KLHL13: variants seen among roughly 807,000 people sequenced by gnomAD.
KLHL13 encodes the protein kelch like family member 13.
Under a neutral mutation model 37.1 loss-of-function variants are expected in KLHL13, and 10 were observed. The ratio of observed to expected loss-of-function variants is 0.27; its 90% CI spans 0.17 to 0.46. KLHL13 has a LOEUF of 0.46. Among genes scored for constraint, KLHL13 ranks in the 20% least tolerant of loss-of-function variants. The probability of loss-of-function intolerance (pLI) is 1.00; values close to 1 mark genes in which losing one functional copy is unlikely to be tolerated. For missense variants in KLHL13, 360 were observed against 509.3 expected, an observed-to-expected ratio of 0.71 and a Z score of 2.82; for synonymous variants, 163 against 181.2, an observed-to-expected ratio of 0.90 and a Z score of 0.81.
intron 6 of KLHL13, among the ~76,000 whole-genome samples, chrX:117,899,768 T>G (rs937550051): frequency 1.8e-5 from 2 of 112,120 alleles, no homozygotes; most frequent in African/African-American, 6.5e-5. Flanking sequence ...TGCCTTTTAG[T>G]GGGTACCCTC....
intron 1 of KLHL13, among the ~76,000 whole-genome samples, chrX:118,029,209 T>G (rs933568051): frequency 1.8e-5 from 2 of 109,902 alleles, no homozygotes; most frequent in African/African-American, 3.3e-5. Context: ...AAGGGGGGAG[T>G]TGAGGCAAAT....
chrX:117,966,640 C>T (rs1326430558), intron 1 of KLHL13, among the ~76,000 whole-genome samples: 3 of 110,446 alleles, frequency 2.7e-5, no homozygotes, highest in Non-Finnish European at 3.8e-5. Context: ...GGAGGCATCA[C>T]GCTACCTGAC....
intron 2 of KLHL13, among the ~76,000 whole-genome samples, chrX:117,927,350 G>A (rs1053926185): frequency 8.9e-6 from 1 of 112,267 alleles, no homozygotes; most frequent in Non-Finnish European, 1.9e-5. Context: ...GGTGACAGTG[G>A]GGGTGGCAGA....
chrX:118,081,226 T>C (rs1168925788), intron 1 of KLHL13, among the ~76,000 whole-genome samples: 1 of 111,486 alleles, frequency 9.0e-6, no homozygotes, highest in Non-Finnish European at 1.9e-5. Context: ...ACCCTGTATC[T>C]AAAATAAAAG....
At chrX:117,919,488 C>T in intron 4 of KLHL13, 33 bp downstream of exon 5, 1 of 1,123,167 alleles carries the variant, frequency 8.9e-7, no homozygotes, top group Non-Finnish European at 1.2e-6. Flanking sequence ...TCAGAGTCTA[C>T]CACAGGAAAA....
At chrX:117,972,768 T>G in exon 1 of KLHL13, 1 of 1,211,543 alleles carries the variant, frequency 8.3e-7, no homozygotes, top group Non-Finnish European at 1.1e-6. Context: ...CTGGATGTTT[T>G]AAGCACAGGA....
intron 2 of KLHL13, among the ~76,000 whole-genome samples, chrX:117,929,639 GT>G (rs1454313711): frequency 9.2e-6 from 1 of 109,271 alleles, no homozygotes; most frequent in African/African-American, 3.3e-5. Flanking sequence ...ATCCATTCCT[GT>G]TTTTTTAAAA....
chrX:118,033,883 A>G (rs1480289386), intron 1 of KLHL13, among the ~76,000 whole-genome samples: 1 of 103,723 alleles, frequency 9.6e-6, no homozygotes, highest in Non-Finnish European at 2.0e-5. Context: ...TCAAAATAAA[A>G]GGATGGAGGA....
chrX:118,063,640 A>G (rs2054765304), intron 1 of KLHL13, among the ~76,000 whole-genome samples: 1 of 111,843 alleles, frequency 8.9e-6, no homozygotes, highest in Admixed American at 9.5e-5. Flanking sequence ...GGAATAGCCA[A>G]ACTATTAAAG....
exon 1 of KLHL13, chrX:118,116,611 G>A (rs914381211): frequency 8.9e-6 from 1 of 112,043 alleles, no homozygotes; most frequent in Non-Finnish European, 1.9e-5. Context: ...CTCCTGCTGC[G>A]AGGCACCAGC....
chrX:117,997,398 C>T (rs2053866943), intron 1 of KLHL13, among the ~76,000 whole-genome samples: 1 of 111,418 alleles, frequency 9.0e-6, no homozygotes, highest in South Asian at 3.8e-4. Context: ...TAGAAAATAC[C>T]TGAAAAGCAA....
intron 1 of KLHL13, among the ~76,000 whole-genome samples, chrX:118,056,931 G>A (rs893355190): frequency 7.2e-5 from 8 of 111,702 alleles, no homozygotes; most frequent in Admixed American, 1.9e-4. Context: ...ATCAGCCTCC[G>A]AGCACTTAAA....
At chrX:118,031,496 G>GAT (rs772255473) in intron 1 of KLHL13, among the ~76,000 whole-genome samples, 10 of 84,405 alleles carry the variant, frequency 1.2e-4, no homozygotes, top group South Asian at 1.0e-3. Flanking sequence ...TATATATTTA[G>GAT]ATATATATAT....
At chrX:117,901,558 A>G (rs1323142987) in intron 6 of KLHL13, among the ~76,000 whole-genome samples, 4 of 106,761 alleles carry the variant, frequency 3.7e-5, no homozygotes, top group Non-Finnish European at 5.8e-5. Context: ...AGGCTGGAGT[A>G]CAGTGGCGCA....
intron 1 of KLHL13, among the ~76,000 whole-genome samples, chrX:118,001,397 C>A (rs184881304): frequency 5.3e-4 from 60 of 112,202 alleles, no homozygotes; most frequent in African/African-American, 1.9e-3. Flanking sequence ...CAAAATTTTT[C>A]ATTGTTTTCT....
rs1428602565 is a variant in KLHL13 at position 117,953,115 on chromosome X, T to C, written c.99-7540A>G. ...AAAGACACATGCACACGTATGTTTA[T>C]TGCGGCACTATTCACAATAGCAAAG... On this transcript the variant is annotated intron_variant, in intron 1 of 6. Coordinates refer to ENST00000262820, the Ensembl canonical transcript of KLHL13. Among the ~76,000 whole-genome samples, 7 of 110,404 alleles carry C rather than the reference T, an allele frequency of 6.3e-5. No individual in the cohort carries two copies. In the East Asian group the frequency reaches 1.1e-3, roughly 18 times the overall value.
At chrX:117,991,961 T>C (rs1256103387) in intron 1 of KLHL13, among the ~76,000 whole-genome samples, 2 of 107,857 alleles carry the variant, frequency 1.9e-5, no homozygotes, top group African/African-American at 6.8e-5. Context: ...CAATTACAGG[T>C]TCATTTGAGC....
chrX:117,938,089 A>T (rs1932864740), intron 2 of KLHL13, among the ~76,000 whole-genome samples: 1 of 112,282 alleles, frequency 8.9e-6, no homozygotes, highest in Admixed American at 9.4e-5. Flanking sequence ...ATGTATTAGT[A>T]CTTCATCTTT....
chrX:117,985,848 C>T (rs778594208), intron 1 of KLHL13, among the ~76,000 whole-genome samples: 59 of 110,491 alleles, frequency 5.3e-4, no homozygotes, highest in African/African-American at 1.8e-3. Context: ...GAATCTAGCC[C>T]CTACTGTTTT....
Sources: gnomAD v4.1 joint callset for allele counts (sites outside exome capture counted in the v4.1 genomes callset) on GRCh38, gnomAD v4.1.1 for gene constraint, MANE v1.5 for transcripts, NCBI Gene and HGNC (gene_info 2026-07-23, HGNC 2026-07-21) for gene names.